Variants in FOXP1 observed in about 807,000 individuals in gnomAD.
FOXP1 encodes forkhead box protein P1.
A neutral mutation model predicts 98.2 loss-of-function variants in FOXP1; 15 were observed. The ratio of observed to expected loss-of-function variants is 0.15; its 90% confidence interval spans 0.10 to 0.24. The LOEUF (loss-of-function observed/expected upper bound fraction) is 0.24, where lower values mean the gene tolerates loss of function less well. FOXP1 is among the 10% of genes least tolerant of loss of function. FOXP1 has a pLI of 1.00. For missense variants in FOXP1, 633 were observed against 848.5 expected, an observed-to-expected ratio of 0.75 and a Z score of 3.15; for synonymous variants, 371 against 314.5, an observed-to-expected ratio of 1.18 and a Z score of -1.90.
chr3:71,005,835 G>A (rs964184397), intron 12 of FOXP1, among the ~76,000 whole-genome samples: 1 of 152,064 alleles, frequency 6.6e-6, no homozygotes, highest in Admixed American at 6.6e-5. Flanking sequence ...TTCCAGCCTC[G>A]AAGTATACAG....
At chr3:71,446,370 A>C (rs1390737642) in intron 3 of FOXP1, among the ~76,000 whole-genome samples, 3 of 152,106 alleles carry the variant, frequency 2.0e-5, no homozygotes, top group Non-Finnish European at 2.9e-5. Flanking sequence ...TAAGCAGAGA[A>C]AAAGCATGTT....
intron 4 of FOXP1, among the ~76,000 whole-genome samples, chr3:71,303,769 T>C (rs1440894873): frequency 1.5e-5 from 2 of 132,082 alleles, no homozygotes; most frequent in East Asian, 4.3e-4. Context: ...AGGTGGGGAA[T>C]GAAGAAAGAA....
At chr3:71,000,604 G>C (rs1357704677) in intron 13 of FOXP1, among the ~76,000 whole-genome samples, 1 of 151,680 alleles carries the variant, frequency 6.6e-6, no homozygotes, top group Non-Finnish European at 1.5e-5. Flanking sequence ...CAACGTCGAG[G>C]ACTTACACTG....
chr3:71,108,986 C>T (rs770071314), intron 7 of FOXP1, among the ~76,000 whole-genome samples: 5 of 152,072 alleles, frequency 3.3e-5, no homozygotes, highest in African/African-American at 1.2e-4. Context: ...TATGATGGGG[C>T]CAATTTTCAA....
At chr3:71,064,523 T>C (rs2052076386) in intron 7 of FOXP1, among the ~76,000 whole-genome samples, 1 of 151,584 alleles carries the variant, frequency 6.6e-6, no homozygotes, top group South Asian at 2.1e-4. Flanking sequence ...CCCATGAACA[T>C]TTAAAAAAAG....
At chr3:71,077,440 G>A (rs2053915413) in intron 7 of FOXP1, among the ~76,000 whole-genome samples, 1 of 152,160 alleles carries the variant, frequency 6.6e-6, no homozygotes, top group South Asian at 2.1e-4. Flanking sequence ...CAGTGAAACC[G>A]AATGTCATGA....
intron 2 of FOXP1, among the ~76,000 whole-genome samples, chr3:71,565,955 A>G (rs536015525): frequency 2.0e-5 from 3 of 152,348 alleles, no homozygotes; most frequent in African/African-American, 7.2e-5. Flanking sequence ...TAAATAAATC[A>G]ACGAGTGAAT....
intron 6 of FOXP1, among the ~76,000 whole-genome samples, chr3:71,179,130 C>T (rs533983434): frequency 7.8e-6 from 1 of 128,316 alleles, no homozygotes. Flanking sequence ...TTCCTCTTAA[C>T]AATCTTTTTT....
chr3:71,444,311 G>GTACAGACAGGTTC, intron 3 of FOXP1, among the ~76,000 whole-genome samples: 1 of 151,940 alleles, frequency 6.6e-6, no homozygotes, highest in African/African-American at 2.4e-5. Flanking sequence ...AACCCTCCAA[G>GTACAGACAGGTTC]TACAGACAGG....
At chr3:71,534,631 T>C (rs1167181295) in intron 2 of FOXP1, among the ~76,000 whole-genome samples, 1 of 152,200 alleles carries the variant, frequency 6.6e-6, no homozygotes, top group Non-Finnish European at 1.5e-5. Flanking sequence ...AAAATGCAGA[T>C]CTTTGGCTCA....
intron 5 of FOXP1, among the ~76,000 whole-genome samples, chr3:71,242,835 T>C (rs984418744): frequency 1.3e-5 from 2 of 151,998 alleles, no homozygotes; most frequent in East Asian, 1.9e-4. Context: ...AATCGTATTA[T>C]CTAAACAGTG....
intron 4 of FOXP1, among the ~76,000 whole-genome samples, chr3:71,327,237 G>A (rs146461411): frequency 2.1e-4 from 23 of 110,744 alleles, no homozygotes; most frequent in Non-Finnish European, 4.3e-4. Flanking sequence ...ATCAATGAGG[G>A]AAATGGCTGG....
intron 3 of FOXP1, among the ~76,000 whole-genome samples, chr3:71,432,178 T>C (rs1009695835): frequency 3.9e-5 from 6 of 152,236 alleles, no homozygotes; most frequent in African/African-American, 1.4e-4. Flanking sequence ...CTAGGATGGA[T>C]TGAGATATGC....
chr3:71,235,213 T>C (rs906345326), intron 5 of FOXP1, among the ~76,000 whole-genome samples: 1 of 152,174 alleles, frequency 6.6e-6, no homozygotes, highest in Admixed American at 6.5e-5. Flanking sequence ...AGGGAAAAAC[T>C]TTTTGGTGTA....
At chr3:71,348,158 A>G (rs1039860604) in intron 4 of FOXP1, among the ~76,000 whole-genome samples, 1 of 152,112 alleles carries the variant, frequency 6.6e-6, no homozygotes, top group Non-Finnish European at 1.5e-5. Flanking sequence ...GTACTCACTT[A>G]TTTTCAGACC....
At chr3:71,515,539 C>G (rs1185838175) in intron 2 of FOXP1, among the ~76,000 whole-genome samples, 1 of 150,002 alleles carries the variant, frequency 6.7e-6, no homozygotes, top group Non-Finnish European at 1.5e-5. Flanking sequence ...TTATTAGTTA[C>G]TATAATGATC....
At chr3:71,429,609 A>T (rs2084507918) in intron 3 of FOXP1, among the ~76,000 whole-genome samples, 1 of 152,218 alleles carries the variant, frequency 6.6e-6, no homozygotes, top group Admixed American at 6.5e-5. Flanking sequence ...AGAGTATTGT[A>T]TTTGAAAAGG....
intron 5 of FOXP1, among the ~76,000 whole-genome samples, chr3:71,229,038 G>C (rs1326056811): frequency 6.6e-6 from 1 of 151,466 alleles, no homozygotes; most frequent in Non-Finnish European, 1.5e-5. Context: ...TTTTATAAAG[G>C]GGGAAAGTTG....
intron 2 of FOXP1, among the ~76,000 whole-genome samples, chr3:71,497,088 G>GC (rs2091472137): frequency 6.6e-6 from 1 of 151,384 alleles, no homozygotes; most frequent in South Asian, 2.1e-4. Flanking sequence ...AAAAAATACA[G>GC]CAACTGAAAT....
Sources: gnomAD v4.1 joint callset for allele counts (sites outside exome capture counted in the v4.1 genomes callset) on GRCh38, gnomAD v4.1.1 for gene constraint, MANE v1.5 for transcripts, NCBI Gene and HGNC (gene_info 2026-07-23, HGNC 2026-07-21) for gene names.